ANK2: variants seen among roughly 807,000 people sequenced by gnomAD.
ANK2 encodes the protein ankyrin-2.
Under a neutral mutation model 360.5 loss-of-function variants are expected in ANK2, and 83 were observed. The observed-to-expected ratio is 0.23, with a 90% confidence interval of 0.19 to 0.28. ANK2 has a LOEUF of 0.28. Among genes scored for constraint, ANK2 ranks in the 10% least tolerant of loss-of-function variants. The pLI, the probability that ANK2 is intolerant of heterozygous loss-of-function variation, is 1.00. For missense variants in ANK2, 4,201 were observed against 4,795.7 expected, an observed-to-expected ratio of 0.88 and a Z score of 3.66; for synonymous variants, 1,740 against 1,759.5, an observed-to-expected ratio of 0.99 and a Z score of 0.28.
chr4:112,896,648 C>T (rs76487328), intron 1 of ANK2, among the ~76,000 whole-genome samples: 56 of 152,246 alleles, frequency 3.7e-4, no homozygotes, highest in Non-Finnish European at 6.8e-4. Context: ...TGCTAAGGAA[C>T]GAGGTTAAAG....
chr4:112,850,673 C>T (rs1442517195), intron 1 of ANK2, among the ~76,000 whole-genome samples: 2 of 151,010 alleles, frequency 1.3e-5, no homozygotes, highest in East Asian at 1.9e-4. Context: ...CCCACCACCA[C>T]GCCCAGCTAA....
intron 4 of ANK2, among the ~76,000 whole-genome samples, chr4:113,203,184 T>A (rs969691561): frequency 1.3e-5 from 2 of 152,242 alleles, no homozygotes; most frequent in Non-Finnish European, 2.9e-5. Flanking sequence ...TAATCCTACA[T>A]ACGTGATGTT....
intron 1 of ANK2, among the ~76,000 whole-genome samples, chr4:112,898,583 T>C (rs1341041495): frequency 6.6e-6 from 1 of 152,210 alleles, no homozygotes; most frequent in Non-Finnish European, 1.5e-5. Context: ...ACAGTGTTTA[T>C]ATGATTTCTC....
chr4:112,762,508 T>TTTG, the ANK2 span, among the ~76,000 whole-genome samples: 22 of 152,096 alleles, frequency 1.4e-4, no homozygotes, highest in Non-Finnish European at 1.3e-4. Context: ...CTTTTCTAAT[T>TTTG]TTGTTGTTGT....
chr4:113,336,091 G>C, intron 30 of ANK2, 34 bp downstream of exon 30: 1 of 1,594,712 alleles, frequency 6.3e-7, no homozygotes, highest in Non-Finnish European at 8.6e-7. Context: ...GATCCTAACA[G>C]GATTGTATTC....
chr4:113,376,544 G>T (rs2154080916), intron 45 of ANK2, among the ~76,000 whole-genome samples: 1 of 152,184 alleles, frequency 6.6e-6, no homozygotes, highest in South Asian at 2.1e-4. Flanking sequence ...CTTAGGCTAT[G>T]TTACATTTGT....
the ANK2 span, among the ~76,000 whole-genome samples, chr4:112,796,364 G>A: frequency 6.6e-6 from 1 of 151,944 alleles, no homozygotes; most frequent in African/African-American, 2.4e-5. Flanking sequence ...TGGAGGTTAC[G>A]GTGAACCGAG....
chr4:113,282,563 C>T, intron 17 of ANK2, 112 bp from the exon 18 acceptor site: 2 of 1,068,486 alleles, frequency 1.9e-6, no homozygotes, highest in South Asian at 2.8e-5. Context: ...TAACTGTAAA[C>T]TCACTTTTAA....
intron 17 of ANK2, 136 bp downstream of exon 17, chr4:113,278,694 C>CT (rs1024565703): frequency 4.7e-5 from 39 of 831,010 alleles, no homozygotes; most frequent in African/African-American, 5.1e-5. Context: ...TATTGACACC[C>CT]TTTTTTTTCC....
intron 1 of ANK2, among the ~76,000 whole-genome samples, chr4:113,142,283 G>A (rs1279832675): frequency 6.6e-6 from 1 of 152,170 alleles, no homozygotes; most frequent in East Asian, 1.9e-4. Context: ...GACCTGTCTG[G>A]CAGCCACCCT....
intron 9 of ANK2, among the ~76,000 whole-genome samples, chr4:113,244,980 G>A (rs2042069060): frequency 6.6e-6 from 1 of 152,162 alleles, no homozygotes; most frequent in African/African-American, 2.4e-5. Flanking sequence ...ATTCCATGGT[G>A]TATACGTGCC....
chr4:112,983,510 C>T (rs1463696520), intron 2 of ANK2, among the ~76,000 whole-genome samples: 1 of 151,730 alleles, frequency 6.6e-6, no homozygotes, highest in East Asian at 1.9e-4. Context: ...AACCCTGTCT[C>T]TACTAAAAAA....
At chr4:112,777,623 T>G in the ANK2 span, among the ~76,000 whole-genome samples, 1 of 149,618 alleles carries the variant, frequency 6.7e-6, no homozygotes. Flanking sequence ...ATAATCTTTT[T>G]TTTTTTTTTT....
At chr4:112,740,982 C>G in the ANK2 span, among the ~76,000 whole-genome samples, 1 of 151,518 alleles carries the variant, frequency 6.6e-6, no homozygotes, top group Non-Finnish European at 1.5e-5. Context: ...AGGGTGAACT[C>G]TGTCTCAAAA....
chr4:113,066,722 C>G (rs931600967), intron 1 of ANK2, among the ~76,000 whole-genome samples: 2 of 152,074 alleles, frequency 1.3e-5, no homozygotes, highest in African/African-American at 2.4e-5. Flanking sequence ...CAGCCCTGCA[C>G]ATCCAGTGAA....
At position 113,243,360 on chromosome 4, in the gene ANK2, GC is replaced by G. The variant is rs1174357167; in HGVS notation, c.891+1152del. 7.9e-5 allele frequency among the ~76,000 whole-genome samples: 12 copies of G among 152,130 alleles called. No individual in the cohort carries two copies. The South Asian group carries it at 2.5e-3, about 31-fold the overall frequency. The stretch of plus-strand genomic sequence containing the variant: ...ATCTAGTTTCCTTGCAAATCTGGGG[GC>G]TAGCAAACACTTTTGTTTAATAAAC... On this transcript the variant is annotated intron_variant, in intron 9 of 45. Coordinates refer to ENST00000357077, the MANE Select transcript of ANK2 (RefSeq NM_001148.6).
chr4:113,184,640 T>C (rs2098479393), intron 2 of ANK2, among the ~76,000 whole-genome samples: 1 of 152,190 alleles, frequency 6.6e-6, no homozygotes, highest in African/African-American at 2.4e-5. Flanking sequence ...TTCCAGCCCT[T>C]TTGCAGTAGC....
intron 1 of ANK2, among the ~76,000 whole-genome samples, chr4:112,831,937 A>C (rs2059849967): frequency 6.6e-6 from 1 of 152,178 alleles, no homozygotes; most frequent in Non-Finnish European, 1.5e-5. Context: ...AGAAGGAAGA[A>C]ACTCTGGACA....
At chr4:113,298,016 C>A (rs1206354279) in intron 22 of ANK2, among the ~76,000 whole-genome samples, 1 of 152,068 alleles carries the variant, frequency 6.6e-6, no homozygotes, top group East Asian at 1.9e-4. Context: ...AAACGATCCA[C>A]CTGCCTTGGC....
Sources: allele counts gnomAD v4.1 joint callset (sites outside exome capture counted in the v4.1 genomes callset), GRCh38; gene constraint gnomAD v4.1.1; transcripts MANE v1.5; gene names NCBI Gene and HGNC (gene_info 2026-07-23, HGNC 2026-07-21).